The following FGF13 variants were observed in gnomAD, a reference collection of about 807,000 sequenced individuals.
FGF13 encodes the protein fibroblast growth factor homologous factor 2.
Under a neutral mutation model 19.5 loss-of-function variants are expected in FGF13, and 2 were observed. The ratio of observed to expected loss-of-function variants is 0.10; its 90% confidence interval spans 0.04 to 0.32. The LOEUF (loss-of-function observed/expected upper bound fraction) is 0.32. FGF13 is among the 10% of genes least tolerant of loss of function. The probability of loss-of-function intolerance (pLI) is 1.00; values close to 1 mark genes in which losing one functional copy is unlikely to be tolerated. For missense variants in FGF13, 113 were observed against 192.7 expected, an observed-to-expected ratio of 0.59 and a Z score of 2.45; for synonymous variants, 72 against 76.9, an observed-to-expected ratio of 0.94 and a Z score of 0.33.
intron 1 of FGF13, among the ~76,000 whole-genome samples, chrX:138,710,435 C>T (rs1411218268): frequency 9.0e-6 from 1 of 111,534 alleles, no homozygotes; most frequent in Non-Finnish European, 1.9e-5. Flanking sequence ...CCCAGGCTCT[C>T]CTGGGGACGG....
intron 1 of FGF13, among the ~76,000 whole-genome samples, chrX:138,954,403 C>A (rs1254102763): frequency 9.0e-6 from 1 of 111,609 alleles, no homozygotes; most frequent in Non-Finnish European, 1.9e-5. Context: ...ATACCATTTT[C>A]ATCCCTGTTC....
intron 1 of FGF13, among the ~76,000 whole-genome samples, chrX:139,139,297 G>A (rs2083825011): frequency 8.9e-6 from 1 of 111,753 alleles, no homozygotes; most frequent in Non-Finnish European, 1.9e-5. Context: ...CGTATTGAGT[G>A]CCTTACTATC....
chrX:139,185,421 T>C (rs189605930), intron 1 of FGF13, among the ~76,000 whole-genome samples: 6 of 112,483 alleles, frequency 5.3e-5, no homozygotes, highest in African/African-American at 1.3e-4. Flanking sequence ...CTTTTGTCAA[T>C]AGCAGTTCCA....
At chrX:138,787,757 T>C (rs1182359644) in intron 3 of FGF13, among the ~76,000 whole-genome samples, 2 of 108,710 alleles carry the variant, frequency 1.8e-5, no homozygotes, top group Non-Finnish European at 3.8e-5. Flanking sequence ...CCCCTCCCTG[T>C]GTCCATGTGT....
intron 3 of FGF13, among the ~76,000 whole-genome samples, chrX:138,798,319 C>A (rs2090795840): frequency 9.0e-6 from 1 of 111,663 alleles, no homozygotes; most frequent in Admixed American, 9.5e-5. Context: ...TTGAGATAAA[C>A]CATGAGGTTT....
rs1036283531 is a variant in FGF13 at position 138,631,469 on chromosome X, T to A, written c.*1381A>T. Reference sequence around the variant, plus strand: ...ATATGACTCTCTAGACTGTAGACTATCTGAGGACAGTGACCTTATCTGCAT... The same window carrying A: ...ATATGACTCTCTAGACTGTAGACTAACTGAGGACAGTGACCTTATCTGCAT... On this transcript the variant is annotated 3_prime_UTR_variant, in exon 5 of 5. Coordinates refer to ENST00000315930, the MANE Select transcript of FGF13 (RefSeq NM_004114.5). The A allele has an allele frequency of 2.7e-5, 3 of 112,662 alleles. No individual in the cohort carries two copies. Among genetic ancestry groups the A allele is most frequent in the African/African-American group, 9.7e-5 (3 of 30,972 alleles). The allele number at this position is 112,662 out of a possible 1,213,427, so 9.3% of individuals were successfully genotyped here. A position where few individuals can be genotyped will look rare whatever the true frequency, so the allele number is the denominator to read the frequency against.
At chrX:139,134,858 G>A (rs922626620) in intron 1 of FGF13, among the ~76,000 whole-genome samples, 1 of 110,570 alleles carries the variant, frequency 9.0e-6, no homozygotes, top group East Asian at 2.9e-4. Flanking sequence ...ATGTTGTCCC[G>A]GCTGGTCTCA....
chrX:139,081,614 G>A (rs2083371086), intron 1 of FGF13, among the ~76,000 whole-genome samples: 1 of 111,433 alleles, frequency 9.0e-6, no homozygotes, highest in African/African-American at 3.3e-5. Flanking sequence ...ATCTGAAACT[G>A]AAGTCTTGAT....
At chrX:138,681,904 C>A (rs911113913) in intron 3 of FGF13, among the ~76,000 whole-genome samples, 3 of 111,207 alleles carry the variant, frequency 2.7e-5, no homozygotes, top group African/African-American at 9.8e-5. Context: ...CTGTGGTGCC[C>A]CAAAACAATT....
chrX:138,884,410 T>C (rs1185304166), intron 1 of FGF13, among the ~76,000 whole-genome samples: 1 of 112,351 alleles, frequency 8.9e-6, no homozygotes, highest in Non-Finnish European at 1.9e-5. Flanking sequence ...CACTGCTTGC[T>C]AAAGTTCATA....
intron 1 of FGF13, among the ~76,000 whole-genome samples, chrX:138,736,713 T>C (rs1056612668): frequency 2.7e-5 from 3 of 110,974 alleles, no homozygotes; most frequent in Non-Finnish European, 5.7e-5. Context: ...CTGTTTTATA[T>C]ATATACACAA....
intron 1 of FGF13, among the ~76,000 whole-genome samples, chrX:138,884,595 T>C (rs923675540): frequency 1.2e-4 from 13 of 112,200 alleles, no homozygotes; most frequent in Non-Finnish European, 1.5e-4. Context: ...TTAAAGTTGA[T>C]ACAAGGAATA....
chrX:139,050,139 G>T (rs917105532), intron 1 of FGF13, among the ~76,000 whole-genome samples: 4 of 111,122 alleles, frequency 3.6e-5, no homozygotes, highest in African/African-American at 1.3e-4. Context: ...CTCTAATAGG[G>T]AAGAGACATA....
intron 1 of FGF13, among the ~76,000 whole-genome samples, chrX:139,090,660 C>T (rs1227154802): frequency 9.0e-6 from 1 of 110,856 alleles, no homozygotes; most frequent in African/African-American, 3.3e-5. Context: ...GCATCTAAGG[C>T]CGAGTGTGGT....
At chrX:138,732,202 A>T (rs1237125211) in intron 1 of FGF13, among the ~76,000 whole-genome samples, 1 of 112,046 alleles carries the variant, frequency 8.9e-6, no homozygotes, top group Non-Finnish European at 1.9e-5. Context: ...AGTTAAACTT[A>T]TATCAACTTT....
intron 3 of FGF13, among the ~76,000 whole-genome samples, chrX:138,822,857 G>A (rs1456264067): frequency 2.7e-5 from 3 of 112,134 alleles, no homozygotes; most frequent in Non-Finnish European, 1.9e-5. Flanking sequence ...GAGATACCAA[G>A]CTGAACTCAT....
intron 3 of FGF13, among the ~76,000 whole-genome samples, chrX:138,760,459 G>T (rs374499747): frequency 8.9e-6 from 1 of 111,872 alleles, no homozygotes; most frequent in Non-Finnish European, 1.9e-5. Flanking sequence ...AGCCTGCCTC[G>T]GTGTTAGCCC....
At chrX:138,785,844 C>T (rs1204575292) in intron 3 of FGF13, among the ~76,000 whole-genome samples, 1 of 111,627 alleles carries the variant, frequency 9.0e-6, no homozygotes, top group African/African-American at 3.3e-5. Context: ...CTCATAGGGA[C>T]CTCAAACCTA....
intron 1 of FGF13, among the ~76,000 whole-genome samples, chrX:138,891,587 A>T (rs1019374293): frequency 3.6e-5 from 4 of 111,838 alleles, no homozygotes; most frequent in African/African-American, 1.3e-4. Flanking sequence ...TGAATTTGTC[A>T]GAAACACATT....
Sources: allele counts gnomAD v4.1 joint callset (sites outside exome capture counted in the v4.1 genomes callset), GRCh38; gene constraint gnomAD v4.1.1; transcripts MANE v1.5; gene names NCBI Gene and HGNC (gene_info 2026-07-23, HGNC 2026-07-21).